The following TP73 variants were observed in gnomAD, a reference collection of about 807,000 sequenced individuals.
TP73 encodes p53-like transcription factor.
Under a neutral mutation model 62.5 loss-of-function variants are expected in TP73, and 25 were observed. The observed-to-expected ratio is 0.40, with a 90% CI of 0.29 to 0.56. The LOEUF (loss-of-function observed/expected upper bound fraction) is 0.56. Among genes scored for constraint, TP73 ranks in the 20% least tolerant of loss-of-function variants. TP73 has a pLI of 0.46. For synonymous variants in TP73, 423 were observed against 377.5 expected, an observed-to-expected ratio of 1.12 and a Z score of -1.40; for missense variants, 754 against 913.3, an observed-to-expected ratio of 0.83 and a Z score of 2.25.
In TP73 at chr1:3,672,605, A is replaced by G. The variant is rs1021485413; in HGVS notation, c.-33-9728A>G. On this transcript the variant is annotated intron_variant, in intron 1 of 13. Transcript: ENST00000378295. The surrounding 1 kb of genome is among the most constrained non-coding windows in gnomAD (Gnocchi z 5.3). Reference sequence around the variant, plus strand: ...CCCAGCCCTGGACCCCTCACCCCCTATCCTTGGCAGTCGGTCCTCTGGGTC... The same window carrying G: ...CCCAGCCCTGGACCCCTCACCCCCTGTCCTTGGCAGTCGGTCCTCTGGGTC... 6.9e-6 allele frequency among the ~76,000 whole-genome samples: 1 copy of G among 144,772 alleles called. No homozygotes were observed. The allele number at this position is 144,772 out of a possible 152,430, so 95.0% of individuals were successfully genotyped here.
chr1:3,708,592 A>C (rs1639870762), intron 4 of TP73: 1 of 152,222 alleles, frequency 6.6e-6, no homozygotes. Context: ...GGGGGCAGCC[A>C]CCTCTGCATC....
At chr1:3,679,251 G>A (rs138234332) in intron 1 of TP73, among the ~76,000 whole-genome samples, 14 of 152,276 alleles carry the variant, frequency 9.2e-5, no homozygotes, top group Admixed American at 7.2e-4. Flanking sequence ...TACAGCCAAC[G>A]CCCATGTCCC....
intron 1 of TP73, among the ~76,000 whole-genome samples, chr1:3,669,396 T>C (rs1645191216): frequency 6.6e-6 from 1 of 152,214 alleles, no homozygotes; most frequent in Admixed American, 6.5e-5. Flanking sequence ...CTGCCCCAAG[T>C]GGCACATCAG....
chr1:3,681,133 G>A (rs936081774), intron 1 of TP73, among the ~76,000 whole-genome samples: 4 of 152,232 alleles, frequency 2.6e-5, no homozygotes, highest in African/African-American at 9.6e-5. Context: ...GGCCCGGCAC[G>A]TGGCAGCCAC....
intron 4 of TP73, among the ~76,000 whole-genome samples, chr1:3,712,045 C>T (rs371599289): frequency 9.9e-5 from 15 of 152,192 alleles, no homozygotes; most frequent in African/African-American, 2.9e-4. Flanking sequence ...ACCTTCCCAG[C>T]GCCTCGGAGG....
rs934641568 is a variant in TP73, at chr1:3,718,637, G to C, written c.430-3384G>C. On this transcript the variant is annotated intron_variant, in intron 4 of 13. Coordinates refer to ENST00000378295, the MANE Select transcript of TP73 (RefSeq NM_005427.4). ...AGACTCCATGGGGCTGTCAGGGAGC[G>C]ACGGCTGCCGGGGCCTCTGCCCGCA... 3.3e-5 allele frequency among the ~76,000 whole-genome samples: 5 copies of C among 152,262 alleles called. No individual in the cohort carries two copies. In the South Asian group the frequency reaches 6.2e-4, roughly 19 times the overall value.
At chr1:3,727,856 G>T (rs1641803082) in intron 8 of TP73, 86 bp downstream of exon 8, 3 of 1,447,346 alleles carry the variant, frequency 2.1e-6, no homozygotes, top group East Asian at 2.5e-5. Context: ...GCGTCCCAGG[G>T]ACAGGGCCAG....
chr1:3,657,682 T>C (rs1246245064), intron 1 of TP73, among the ~76,000 whole-genome samples: 3 of 152,110 alleles, frequency 2.0e-5, no homozygotes, highest in African/African-American at 7.2e-5. Flanking sequence ...AGAAACCTGG[T>C]CTAAGCCACG....
intron 3 of TP73, among the ~76,000 whole-genome samples, chr1:3,690,353 C>T (rs1183807601): frequency 6.6e-6 from 1 of 152,154 alleles, no homozygotes; most frequent in Non-Finnish European, 1.5e-5. Context: ...CCAAGGGAGG[C>T]GACACCATCT....
intron 3 of TP73, among the ~76,000 whole-genome samples, chr1:3,703,434 C>T (rs1378814188): frequency 6.6e-6 from 1 of 152,158 alleles, no homozygotes; most frequent in Non-Finnish European, 1.5e-5. Context: ...CCACAGAGGA[C>T]GGCACCGAGA....
chr1:3,669,051 GTCA>G (rs1335442684), intron 1 of TP73, among the ~76,000 whole-genome samples: 1 of 152,246 alleles, frequency 6.6e-6, no homozygotes, highest in African/African-American at 2.4e-5. Context: ...CAACTCCAAT[GTCA>G]TCACCTAGGT....
At chr1:3,660,286 G>A (rs533855422) in intron 1 of TP73, among the ~76,000 whole-genome samples, 1 of 152,316 alleles carries the variant, frequency 6.6e-6, no homozygotes, top group South Asian at 2.1e-4. Flanking sequence ...AACCCGTGAG[G>A]CTGCAGAAGC....
At position 3,676,007 on chromosome 1, in the gene TP73, A is replaced by G. The variant is rs75779805; in HGVS notation, c.-33-6326A>G. On this transcript the variant is annotated intron_variant, in intron 1 of 13. Transcript: ENST00000378295. ...GGAGGGCAGGAAGGGGGTGGTAGAC[A>G]AAGGCTGAACACAGAGAGCACATAG... 4.1e-3 allele frequency among the ~76,000 whole-genome samples: 627 copies of G among 152,098 alleles called. 5 individuals carry two copies. The highest frequency in any genetic ancestry group is 0.014 in the African/African-American group (594 of 41,498).
chr1:3,702,466 A>ACCCCAGCCCCCAGCCCCCAGC (rs560852733), intron 3 of TP73, among the ~76,000 whole-genome samples: 7 of 151,356 alleles, frequency 4.6e-5, no homozygotes, highest in Non-Finnish European at 8.8e-5. Context: ...TGCTGCCCAC[A>ACCCCAGCCCCCAGCCCCCAGC]CCCCAGCCCC....
chr1:3,664,255 C>T (rs1329050635), intron 1 of TP73, among the ~76,000 whole-genome samples: 2 of 152,316 alleles, frequency 1.3e-5, no homozygotes, highest in East Asian at 1.9e-4. Flanking sequence ...CTACCAGAGG[C>T]GCTGCATTGG....
At chr1:3,686,252 G>C (rs889079877) in intron 3 of TP73, among the ~76,000 whole-genome samples, 1 of 152,224 alleles carries the variant, frequency 6.6e-6, no homozygotes, top group African/African-American at 2.4e-5. Context: ...TCTGGGGGAC[G>C]TGGGTCTCCC....
chr1:3,725,561 G>C (rs1641446676), intron 6 of TP73, among the ~76,000 whole-genome samples: 1 of 138,072 alleles, frequency 7.2e-6, no homozygotes, highest in African/African-American at 2.8e-5. Context: ...GGATGGGGTG[G>C]GTGGGTGAAT....
chr1:3,716,439 T>A (rs1640601639), intron 4 of TP73, among the ~76,000 whole-genome samples: 2 of 152,152 alleles, frequency 1.3e-5, no homozygotes, highest in South Asian at 4.1e-4. Flanking sequence ...CGTCACTGCC[T>A]CGACCATGGG....
intron 1 of TP73, among the ~76,000 whole-genome samples, chr1:3,654,473 T>C (rs1257208336): frequency 3.3e-5 from 5 of 152,248 alleles, no homozygotes; most frequent in Admixed American, 3.3e-4. Flanking sequence ...TCAAATCTCC[T>C]CTTCCCCATT....
Sources: allele counts gnomAD v4.1 joint callset (sites outside exome capture counted in the v4.1 genomes callset), GRCh38; gene constraint gnomAD v4.1.1; non-coding constraint Gnocchi (gnomAD v3.1); transcripts MANE v1.5; gene names NCBI Gene and HGNC (gene_info 2026-07-23, HGNC 2026-07-21).